CNBD1: variants seen among roughly 807,000 people sequenced by gnomAD.
The protein encoded by CNBD1 is cyclic nucleotide-binding domain-containing protein 1.
Under a neutral mutation model 54.4 loss-of-function variants are expected in CNBD1, and 71 were observed. The ratio of observed to expected loss-of-function variants is 1.30; its 90% CI spans 1.08 to 1.59. CNBD1 has a LOEUF of 1.59. Ranked by LOEUF, CNBD1 falls within the 40% of genes most tolerant of loss-of-function variation. The pLI, the probability that CNBD1 is intolerant of heterozygous loss-of-function variation, is 0.00. For synonymous variants in CNBD1, 182 were observed against 170.7 expected (o/e 1.07, Z -0.51); for missense variants, 659 against 518.0 (o/e 1.27, Z -2.64).
chr8:86,992,083 T>C (rs1040085885), intron 4 of CNBD1, among the ~76,000 whole-genome samples: 2 of 152,106 alleles, frequency 1.3e-5, no homozygotes, highest in Admixed American at 6.6e-5. Flanking sequence ...TCTGCCTCAG[T>C]GTTCTGTGTA....
chr8:86,964,657 G>C lies in CNBD1; in HGVS notation c.431+24903G>C, dbSNP rs180994403. On this transcript the variant is annotated intron_variant, in intron 4 of 10. Coordinates refer to ENST00000518476, the MANE Select transcript of CNBD1 (RefSeq NM_173538.3). The stretch of plus-strand genomic sequence containing the variant: ...CGTGTTTACCACACATCTGTTGTAG[G>C]AGCAGGAGTGAGACTGGGACCTGCC... Among the ~76,000 whole-genome samples, 247 of 152,328 alleles carry C rather than the reference G, an allele frequency of 1.6e-3. 1 individual carries two copies. The highest frequency in any genetic ancestry group is 5.2e-3 in the African/African-American group (216 of 41,582).
chr8:87,103,503 C>A (rs1243414468), intron 4 of CNBD1, among the ~76,000 whole-genome samples: 1 of 152,188 alleles, frequency 6.6e-6, no homozygotes, highest in Non-Finnish European at 1.5e-5. Flanking sequence ...ACTCACAGTT[C>A]TGCAGGGCTA....
intron 8 of CNBD1, among the ~76,000 whole-genome samples, chr8:87,289,397 C>T (rs1335087249): frequency 2.6e-5 from 4 of 152,046 alleles, no homozygotes; most frequent in South Asian, 2.1e-4. Context: ...TATATCACAT[C>T]GGCTAAAGTC....
chr8:87,137,492 G>A (rs1223749888), intron 4 of CNBD1, among the ~76,000 whole-genome samples: 3 of 151,796 alleles, frequency 2.0e-5, no homozygotes, highest in South Asian at 2.1e-4. Context: ...GTGAGCCACC[G>A]CGGCCGGCCA....
Position 87,284,687 on chromosome 8 carries a change from T to G in CNBD1, c.781T>G (p.Trp261Gly). The G allele has an allele frequency of 6.2e-7, 1 of 1,601,436 alleles. No individual in the cohort carries two copies. The highest frequency in any genetic ancestry group is 8.5e-7 in the Non-Finnish European group (1 of 1,175,122). Residue 261 changes from tryptophan (W) to glycine (G), a missense_variant, in exon 7 of 11, where the codon TGG (tryptophan) becomes GGG (glycine). Transcript: ENST00000518476. ...LPSYDSMLSKWSTFGTLEVMP... is the reference protein window; with the variant it reads ...LPSYDSMLSKGSTFGTLEVMP... ...TCTGGTATTTTTACAGCTTAGCAAA[T>G]GGAGTACCTTTGGGACTCTGGAAGT... is the stretch of plus-strand genomic sequence containing the variant.
At chr8:86,961,903 G>T (rs1330607301) in intron 4 of CNBD1, among the ~76,000 whole-genome samples, 2 of 152,194 alleles carry the variant, frequency 1.3e-5, no homozygotes, top group Non-Finnish European at 2.9e-5. Context: ...GACTGAAGGA[G>T]ATTCAGTACT....
chr8:86,882,213 G>T (rs911243825), intron 1 of CNBD1, among the ~76,000 whole-genome samples: 10 of 152,088 alleles, frequency 6.6e-5, no homozygotes, highest in Non-Finnish European at 1.2e-4. Context: ...CACAGCAAAA[G>T]AAACTGTCAG....
At chr8:87,029,514 C>A (rs1296518039) in intron 4 of CNBD1, among the ~76,000 whole-genome samples, 1 of 152,064 alleles carries the variant, frequency 6.6e-6, no homozygotes, top group Non-Finnish European at 1.5e-5. Context: ...GACAAAATCC[C>A]TCATGTGCTC....
intron 4 of CNBD1, among the ~76,000 whole-genome samples, chr8:87,045,540 A>G (rs1441581245): frequency 6.6e-6 from 1 of 151,900 alleles, no homozygotes; most frequent in African/African-American, 2.4e-5. Context: ...CCTGGCTAAC[A>G]TGGTAAAACC....
Position 87,182,760 on chromosome 8 carries a change from ATTGT to A in CNBD1, c.432-23230_432-23227del, listed in dbSNP as rs1813385465. Among the ~76,000 whole-genome samples, 1 of 151,962 alleles carries A rather than the reference ATTGT, an allele frequency of 6.6e-6. No individual in the cohort carries two copies. Among genetic ancestry groups the A allele is most frequent in the Non-Finnish European group, 1.5e-5 (1 of 67,968 alleles). On this transcript the variant is annotated intron_variant, in intron 4 of 10. Transcript: ENST00000518476. The surrounding 1 kb of genome is among the most constrained non-coding windows in gnomAD (Gnocchi z 4.1). ...GGGGTTGTTTGCTTTTGCTTGTTGAATTGTTTAAGTACCTAATAGTTTCTGGATA... is the reference window on the plus strand; with the variant it reads ...GGGGTTGTTTGCTTTTGCTTGTTGAATTAAGTACCTAATAGTTTCTGGATA...
intron 2 of CNBD1, among the ~76,000 whole-genome samples, chr8:87,421,049 A>G (rs192633441): frequency 2.4e-4 from 37 of 152,132 alleles, no homozygotes; most frequent in Admixed American, 2.1e-3. Context: ...ATAGCAACTG[A>G]AAATGCTTCA....
At chr8:87,015,128 A>C (rs1288886381) in intron 4 of CNBD1, among the ~76,000 whole-genome samples, 1 of 152,238 alleles carries the variant, frequency 6.6e-6, no homozygotes, top group Non-Finnish European at 1.5e-5. Flanking sequence ...GTACATGAAT[A>C]CAAAACTAAA....
At chr8:87,147,964 T>G (rs1812524706) in intron 4 of CNBD1, among the ~76,000 whole-genome samples, 1 of 152,178 alleles carries the variant, frequency 6.6e-6, no homozygotes, top group South Asian at 2.1e-4. Context: ...GATACCTTTC[T>G]GAAAAGGGTC....
intron 4 of CNBD1, among the ~76,000 whole-genome samples, chr8:87,019,263 A>G (rs1809433016): frequency 6.6e-6 from 1 of 152,194 alleles, no homozygotes; most frequent in African/African-American, 2.4e-5. Context: ...TAAAAAAGTC[A>G]CAAATGCCTG....
intron 4 of CNBD1, among the ~76,000 whole-genome samples, chr8:86,971,830 T>C (rs1315612546): frequency 6.6e-6 from 1 of 152,204 alleles, no homozygotes; most frequent in East Asian, 1.9e-4. Context: ...ACATATTAAT[T>C]CTAAACATTT....
At chr8:87,401,578 C>T (rs1228821780) in intron 2 of CNBD1, among the ~76,000 whole-genome samples, 1 of 151,902 alleles carries the variant, frequency 6.6e-6, no homozygotes, top group African/African-American at 2.4e-5. Context: ...TTGTTGTTGA[C>T]TTTTTTACCA....
chr8:86,981,748 A>T (rs985307240), intron 4 of CNBD1, among the ~76,000 whole-genome samples: 1 of 152,064 alleles, frequency 6.6e-6, no homozygotes, highest in Non-Finnish European at 1.5e-5. Flanking sequence ...ATTCCTTTTT[A>T]TTGCTTAGTA....
At chr8:87,273,284 C>T (rs1300937317) in intron 6 of CNBD1, among the ~76,000 whole-genome samples, 1 of 151,756 alleles carries the variant, frequency 6.6e-6, no homozygotes, top group East Asian at 1.9e-4. Context: ...TACTGAAATT[C>T]ATGAAAATGC....
chr8:87,422,540 C>T (rs1370826500), intron 2 of CNBD1, among the ~76,000 whole-genome samples: 1 of 152,094 alleles, frequency 6.6e-6, no homozygotes, highest in Middle Eastern at 3.4e-3. Flanking sequence ...AATCCTTTCC[C>T]CATTGCTTGT....
Sources: allele counts gnomAD v4.1 joint callset (sites outside exome capture counted in the v4.1 genomes callset), GRCh38; gene constraint gnomAD v4.1.1; non-coding constraint Gnocchi (gnomAD v3.1); transcripts MANE v1.5; gene names NCBI Gene and HGNC (gene_info 2026-07-23, HGNC 2026-07-21).